COL4A6: variants seen among roughly 807,000 people sequenced by gnomAD.
COL4A6 encodes the protein collagen type IV alpha 6 chain, also known as collagen alpha-6(IV) chain.
A neutral mutation model predicts 126.7 loss-of-function variants in COL4A6; 59 were observed. The ratio of observed to expected loss-of-function variants is 0.47; its 90% CI spans 0.38 to 0.58. The LOEUF is 0.58. Ranked by LOEUF, COL4A6 falls within the 20% of genes least tolerant of loss-of-function variation. The probability of loss-of-function intolerance (pLI) is 0.00; values close to 1 mark genes in which losing one functional copy is unlikely to be tolerated. For synonymous variants in COL4A6, 547 were observed against 496.6 expected (o/e 1.10, Z -1.35); for missense variants, 1,285 against 1,337.3 (o/e 0.96, Z 0.61).
chrX:108,217,783 T>C (rs1488893408), intron 5 of COL4A6, among the ~76,000 whole-genome samples: 1 of 111,636 alleles, frequency 9.0e-6, no homozygotes, highest in African/African-American at 3.3e-5. Flanking sequence ...GTAATGAGGT[T>C]TGGAGCCTGC....
At chrX:108,323,402 G>A (rs2039075734) in intron 2 of COL4A6, among the ~76,000 whole-genome samples, 1 of 111,818 alleles carries the variant, frequency 8.9e-6, no homozygotes, top group Admixed American at 9.5e-5. Context: ...AGTATCATTG[G>A]AGAAGATAAA....
chrX:108,309,443 G>A (rs2038708050), intron 3 of COL4A6, among the ~76,000 whole-genome samples: 1 of 111,105 alleles, frequency 9.0e-6, no homozygotes, highest in African/African-American at 3.3e-5. Flanking sequence ...CAAATAAGAT[G>A]TGAAGCTTAC....
chrX:108,296,010 AC>A (rs888764804), intron 3 of COL4A6, among the ~76,000 whole-genome samples: 2 of 112,255 alleles, frequency 1.8e-5, no homozygotes, highest in African/African-American at 6.5e-5. Flanking sequence ...GATCAGCAAC[AC>A]CTAATGGATG....
At chrX:108,209,367 T>C (rs1203134554) in intron 8 of COL4A6, among the ~76,000 whole-genome samples, 1 of 111,759 alleles carries the variant, frequency 8.9e-6, no homozygotes, top group East Asian at 2.8e-4. Flanking sequence ...GGGCAGGGAC[T>C]GTGTCTACAT....
At chrX:108,258,134 A>G (rs1436712265) in intron 3 of COL4A6, among the ~76,000 whole-genome samples, 1 of 111,729 alleles carries the variant, frequency 9.0e-6, no homozygotes, top group African/African-American at 3.3e-5. Flanking sequence ...AGGAGCCAAT[A>G]GCTTAAAGGA....
At chrX:108,167,020 G>A (rs2034149894) in intron 37 of COL4A6, among the ~76,000 whole-genome samples, 1 of 111,833 alleles carries the variant, frequency 8.9e-6, no homozygotes, top group Non-Finnish European at 1.9e-5. Context: ...GCAGTTTTTG[G>A]AGACTTTTTC....
chrX:108,294,411 TTTG>T (rs1461974135), intron 3 of COL4A6, among the ~76,000 whole-genome samples: 1 of 88,185 alleles, frequency 1.1e-5, no homozygotes, highest in African/African-American at 4.4e-5. Context: ...TTTTTTTTTT[TTTG>T]GTGTGTGTGT....
intron 12 of COL4A6, among the ~76,000 whole-genome samples, chrX:108,203,650 C>G (rs2035455788): frequency 8.9e-6 from 1 of 112,545 alleles, no homozygotes; most frequent in Non-Finnish European, 1.9e-5. Context: ...TTAAAGGAAC[C>G]CTGGCAGGAA....
intron 2 of COL4A6, among the ~76,000 whole-genome samples, chrX:108,346,494 T>C (rs1309735993): frequency 8.9e-6 from 1 of 111,830 alleles, no homozygotes; most frequent in African/African-American, 3.3e-5. Context: ...AGTCTACCAA[T>C]AAATAATGTG....
In COL4A6 at chrX:108,175,643, C is replaced by T; in HGVS notation, c.2830+11G>A. The T allele has an allele frequency of 1.7e-6, 2 of 1,188,282 alleles. No homozygotes were observed. Among genetic ancestry groups the T allele is most frequent in the Non-Finnish European group, 2.3e-6 (2 of 887,007 alleles). Reference sequence around the variant, plus strand: ...TGGGCAGCAGTTCCAGAATTCAATTCCCCAGCTCACCCTTTTCACCAGGAG... The same window carrying T: ...TGGGCAGCAGTTCCAGAATTCAATTTCCCAGCTCACCCTTTTCACCAGGAG... On this transcript the variant is annotated intron_variant, in intron 29 of 44. Coordinates refer to ENST00000334504, the MANE Select transcript of COL4A6 (RefSeq NM_033641.4).
intron 31 of COL4A6, among the ~76,000 whole-genome samples, chrX:108,173,601 A>G (rs2034386188): frequency 9.0e-6 from 1 of 111,615 alleles, no homozygotes; most frequent in Admixed American, 9.5e-5. Context: ...ATTCATTGAG[A>G]CCATTTGATA....
intron 2 of COL4A6, among the ~76,000 whole-genome samples, chrX:108,410,689 A>G (rs2041308302): frequency 1.8e-5 from 2 of 111,324 alleles, no homozygotes; most frequent in South Asian, 7.8e-4. Flanking sequence ...CATCATTAAT[A>G]TCATCAATCA....
intron 2 of COL4A6, among the ~76,000 whole-genome samples, chrX:108,335,736 G>A (rs1377237593): frequency 1.8e-5 from 2 of 111,058 alleles, no homozygotes; most frequent in African/African-American, 6.5e-5. Context: ...GCTCTACAAG[G>A]TGGGGGTGAT....
rs1222981127 is a variant in COL4A6 at position 108,190,512 on chromosome X, AG to A, written c.1322-17del. On this transcript the variant is annotated splice_polypyrimidine_tract_variant and intron_variant, in intron 19 of 44. Transcript: ENST00000334504. Reference sequence around the variant, plus strand: ...AATTCTGGACCTTTGGGTAAAAAAAAGATAAAGGATTAGCAACTTGTATAAG... The same window carrying A: ...AATTCTGGACCTTTGGGTAAAAAAAAATAAAGGATTAGCAACTTGTATAAG... 9.1e-7 allele frequency: 1 copy of A among 1,096,676 alleles called. No homozygotes were observed. 90.4% of individuals were successfully genotyped at this position (1,096,676 alleles called of 1,213,427 possible). A position where few individuals can be genotyped will look rare whatever the true frequency, so the allele number is the denominator to read the frequency against.
At chrX:108,182,063 T>C (rs1227687239) in intron 23 of COL4A6, among the ~76,000 whole-genome samples, 1 of 112,488 alleles carries the variant, frequency 8.9e-6, no homozygotes, top group Non-Finnish European at 1.9e-5. Context: ...AGGTTGGGAA[T>C]TGAACAGTAT....
intron 2 of COL4A6, among the ~76,000 whole-genome samples, chrX:108,313,801 C>T (rs751504097): frequency 1.6e-4 from 18 of 111,932 alleles, no homozygotes; most frequent in Non-Finnish European, 3.2e-4. Context: ...GCCAACAGCT[C>T]TATAGAGAAT....
intron 3 of COL4A6, among the ~76,000 whole-genome samples, chrX:108,222,570 G>C (rs1233685810): frequency 8.9e-6 from 1 of 111,944 alleles, no homozygotes; most frequent in Non-Finnish European, 1.9e-5. Context: ...ATCCTTTGGA[G>C]TATAATTTTG....
At chrX:108,435,312 T>C (rs2064245819) in intron 2 of COL4A6, among the ~76,000 whole-genome samples, 1 of 111,901 alleles carries the variant, frequency 8.9e-6, no homozygotes. Context: ...TATATGTTTT[T>C]TCCTAGATAT....
At chrX:108,303,085 C>T in intron 3 of COL4A6, among the ~76,000 whole-genome samples, 1 of 107,202 alleles carries the variant, frequency 9.3e-6, no homozygotes, top group Non-Finnish European at 1.9e-5. Context: ...AAGTACATTG[C>T]AGCAACTCCT....
Sources: gnomAD v4.1 joint callset for allele counts (sites outside exome capture counted in the v4.1 genomes callset) on GRCh38, gnomAD v4.1.1 for gene constraint, MANE v1.5 for transcripts, NCBI Gene and HGNC (gene_info 2026-07-23, HGNC 2026-07-21) for gene names.